FNIP1: variants seen among roughly 807,000 people sequenced by gnomAD.
FNIP1 encodes folliculin interacting protein 1.
In FNIP1, 40 loss-of-function variants were observed where a neutral mutation model predicts 124.5. That is an observed-to-expected ratio of 0.32 (90% CI 0.25 to 0.42). The LOEUF (loss-of-function observed/expected upper bound fraction) is 0.42. Ranked by LOEUF, FNIP1 falls within the 10% of genes least tolerant of loss-of-function variation. The pLI is 1.00. For missense variants in FNIP1, 1,176 were observed against 1,403.7 expected, an observed-to-expected ratio of 0.84 and a Z score of 2.59; for synonymous variants, 472 against 470.6, an observed-to-expected ratio of 1.00 and a Z score of -0.04.
chr5:131,661,254 T>C (rs759186518), intron 15 of FNIP1, among the ~76,000 whole-genome samples: 1 of 94,118 alleles, frequency 1.1e-5, no homozygotes, highest in Non-Finnish European at 2.3e-5. Context: ...GTGTGTGTGT[T>C]TGTACATCTA....
chr5:131,675,891 GCT>G (rs535271480), intron 13 of FNIP1, among the ~76,000 whole-genome samples: 112 of 152,214 alleles, frequency 7.4e-4, no homozygotes, highest in South Asian at 6.0e-3. Flanking sequence ...ACAGATTCTC[GCT>G]CTGTCACCCA....
intron 16 of FNIP1, among the ~76,000 whole-genome samples, chr5:131,647,762 A>T (rs574952864): frequency 2.6e-5 from 4 of 152,272 alleles, no homozygotes; most frequent in Admixed American, 6.5e-5. Context: ...AGTGTGAGCC[A>T]CCATGTCCAG....
intron 1 of FNIP1, among the ~76,000 whole-genome samples, chr5:131,773,672 CTTG>C (rs1771714911): frequency 6.6e-6 from 1 of 152,134 alleles, no homozygotes; most frequent in South Asian, 2.1e-4. Flanking sequence ...ACTGCTAGGT[CTTG>C]TTATTTCATG....
chr5:131,780,489 A>AT (rs537554719), intron 1 of FNIP1, among the ~76,000 whole-genome samples: 126 of 150,790 alleles, frequency 8.4e-4, no homozygotes, highest in Non-Finnish European at 1.6e-3. Context: ...TTTTATTTTT[A>AT]TTTTTTTTAC....
chr5:131,715,524 T>C (rs1769438526), intron 6 of FNIP1, among the ~76,000 whole-genome samples: 1 of 152,132 alleles, frequency 6.6e-6, no homozygotes, highest in African/African-American at 2.4e-5. Flanking sequence ...ATAATTACTT[T>C]CAACTTTCAA....
At chr5:131,740,811 T>A (rs928343384) in intron 2 of FNIP1, among the ~76,000 whole-genome samples, 4 of 151,974 alleles carry the variant, frequency 2.6e-5, no homozygotes, top group African/African-American at 9.7e-5. Flanking sequence ...AAGACATAAG[T>A]CATAAAAACC....
intron 15 of FNIP1, among the ~76,000 whole-genome samples, chr5:131,662,193 A>G (rs1273798188): frequency 1.3e-5 from 2 of 152,178 alleles, no homozygotes; most frequent in Non-Finnish European, 2.9e-5. Flanking sequence ...TCCCATCTCT[A>G]TAGGGCATTT....
intron 1 of FNIP1, 55 bp from the exon 2 acceptor site, chr5:131,744,745 T>TCCCTCTCCCTC: frequency 2.1e-6 from 3 of 1,421,622 alleles, no homozygotes; most frequent in Non-Finnish European, 2.8e-6. Context: ...TTAATAAATA[T>TCCCTCTCCCTC]TCCATATACA....
At chr5:131,652,563 G>A (rs138599132) in intron 15 of FNIP1, among the ~76,000 whole-genome samples, 4,900 of 152,086 alleles carry the variant, frequency 0.032, 252 homozygotes, top group African/African-American at 0.11. Context: ...CCATGGTCTC[G>A]ATCTCCTAAC....
At position 131,744,646 on chromosome 5, in the gene FNIP1, A is replaced by G; in HGVS notation, c.137T>C (p.Val46Ala). 1 of 1,611,734 alleles carries G rather than the reference A, an allele frequency of 6.2e-7. No homozygotes were observed. The change falls in exon 2 of 18, where the codon GTA becomes GCA. Residue 46 changes from valine to alanine, a missense_variant. By Grantham distance (64) the Val-to-Ala change is moderately conservative (BLOSUM62 0). Coordinates refer to ENST00000510461, the MANE Select transcript of FNIP1 (RefSeq NM_133372.3). ...CCCTCGTCTTTCACAGTCTTGATAT[A>G]CAATCAGTCGAATCTGGCTTGGATC... The part of the protein sequence containing the change: ...EFDPSQIRLI[V>A]YQDCERRGRN...
chr5:131,682,408 G>T (rs1300463228), intron 11 of FNIP1, among the ~76,000 whole-genome samples: 1 of 152,108 alleles, frequency 6.6e-6, no homozygotes, highest in Non-Finnish European at 1.5e-5. Flanking sequence ...ACAACTCTAT[G>T]TTGTTGTCAT....
At chr5:131,661,220 T>TGTG (rs1554092139) in intron 15 of FNIP1, among the ~76,000 whole-genome samples, 18,051 of 147,608 alleles carry the variant, frequency 0.12, 1,150 homozygotes, top group Middle Eastern at 0.21. Context: ...TGTCTTTGTT[T>TGTG]TGTGTGTGTG....
chr5:131,668,013 C>T (rs1234562713), intron 15 of FNIP1, among the ~76,000 whole-genome samples: 2 of 152,152 alleles, frequency 1.3e-5, no homozygotes, highest in African/African-American at 2.4e-5. Flanking sequence ...TAGCTGAAGA[C>T]TTCAATACTT....
At chr5:131,675,726 G>T (rs1349671208) in intron 13 of FNIP1, among the ~76,000 whole-genome samples, 1 of 152,112 alleles carries the variant, frequency 6.6e-6, no homozygotes, top group East Asian at 1.9e-4. Flanking sequence ...AGAGAAGTTG[G>T]GGAGAAGGAG....
intron 11 of FNIP1, among the ~76,000 whole-genome samples, chr5:131,697,900 C>T (rs550334657): frequency 1.4e-5 from 2 of 141,720 alleles, no homozygotes; most frequent in Non-Finnish European, 3.0e-5. Flanking sequence ...ACCCAGGAGG[C>T]AGAGGTTGCA....
chr5:131,736,754 A>C (rs969413240), intron 2 of FNIP1, among the ~76,000 whole-genome samples: 14 of 152,250 alleles, frequency 9.2e-5, no homozygotes, highest in Admixed American at 9.2e-4. Context: ...ACAACTTGCC[A>C]AGTTTTAATG....
intron 1 of FNIP1, among the ~76,000 whole-genome samples, chr5:131,769,233 C>T (rs1356256002): frequency 6.6e-6 from 1 of 152,064 alleles, no homozygotes; most frequent in African/African-American, 2.4e-5. Flanking sequence ...TATTTTAAAA[C>T]AATAATTAAT....
intron 2 of FNIP1, among the ~76,000 whole-genome samples, chr5:131,739,219 G>C (rs1342594503): frequency 6.6e-6 from 1 of 152,016 alleles, no homozygotes; most frequent in East Asian, 1.9e-4. Context: ...GATATACTTG[G>C]TTTCATCCTG....
intron 15 of FNIP1, among the ~76,000 whole-genome samples, chr5:131,656,228 G>C (rs1767188251): frequency 6.6e-6 from 1 of 152,210 alleles, no homozygotes; most frequent in East Asian, 1.9e-4. Flanking sequence ...AAGAAAAGTA[G>C]AGAGAAGTTA....
Sources: gnomAD v4.1 joint callset for allele counts (sites outside exome capture counted in the v4.1 genomes callset) on GRCh38, gnomAD v4.1.1 for gene constraint, MANE v1.5 for transcripts, NCBI Gene and HGNC (gene_info 2026-07-23, HGNC 2026-07-21) for gene names.